The following NBN variants were observed in gnomAD, a reference collection of about 807,000 sequenced individuals.
The protein encoded by NBN is Nijmegen breakage syndrome 1 (nibrin).
Under a neutral mutation model 90.8 loss-of-function variants are expected in NBN, and 88 were observed. The ratio of observed to expected loss-of-function variants is 0.97; its 90% CI spans 0.82 to 1.16. NBN has a LOEUF of 1.16. Among genes scored for constraint, NBN ranks in the 50% most tolerant of loss-of-function variants. The probability of loss-of-function intolerance (pLI) is 0.00; values close to 1 mark genes in which losing one functional copy is unlikely to be tolerated. For missense variants in NBN, 894 were observed against 869.6 expected (o/e 1.03, Z -0.35); for synonymous variants, 328 against 295.1 (o/e 1.11, Z -1.14).
chr8:89,980,942 G>T, intron 3 of NBN, 49 bp from the exon 4 acceptor site: 1 of 1,555,502 alleles, frequency 6.4e-7, no homozygotes, highest in Non-Finnish European at 8.8e-7. Flanking sequence ...GAGTTGCAGA[G>T]ATGGCAATTT....
At chr8:89,938,460 C>A (rs2516638) in intron 14 of NBN, among the ~76,000 whole-genome samples, 42,690 of 151,476 alleles carry the variant, frequency 0.28, 6,206 homozygotes, top group East Asian at 0.4. Context: ...CTCTCTCTCT[C>A]TCTATATGTG....
chr8:89,968,264 C>T (rs1379769071), intron 7 of NBN, among the ~76,000 whole-genome samples: 1 of 151,994 alleles, frequency 6.6e-6, no homozygotes, highest in Non-Finnish European at 1.5e-5. Flanking sequence ...CATCCCCCCA[C>T]CAAAAACCCA....
intron 11 of NBN, among the ~76,000 whole-genome samples, chr8:89,949,052 C>T (rs1487567468): frequency 6.6e-6 from 1 of 152,172 alleles, no homozygotes; most frequent in African/African-American, 2.4e-5. Flanking sequence ...GGGATTCTAC[C>T]TCAATGCCTA....
chr8:89,971,398 T>A, intron 5 of NBN, 108 bp from the exon 6 acceptor site: 1 of 1,235,598 alleles, frequency 8.1e-7, no homozygotes, highest in Non-Finnish European at 1.1e-6. Context: ...CCATAATACC[T>A]TTATAGTATT....
intron 8 of NBN, among the ~76,000 whole-genome samples, chr8:89,960,346 A>G (rs985563883): frequency 6.6e-6 from 1 of 152,196 alleles, no homozygotes; most frequent in African/African-American, 2.4e-5. Flanking sequence ...ATAAATGTTC[A>G]TATCATCACT....
chr8:89,970,435 T>C lies in NBN; in HGVS notation c.825A>G (p.Ile275Met), dbSNP rs2129828602. The C allele has an allele frequency of 1.2e-6, 2 of 1,614,084 alleles. No homozygotes were observed. The highest frequency in any genetic ancestry group is 1.7e-6 in the Non-Finnish European group (2 of 1,179,958). The change falls in exon 7 of 16, where the codon ATA (isoleucine) becomes ATG (methionine). Residue 275 changes from isoleucine (I) to methionine (M), a missense_variant. Physicochemically the swap from Ile to Met is conservative, Grantham distance 10. Transcript: ENST00000265433. ...APGTCVVDTG[I>M]TNSQTLIPDC... ...CAGGAATTAAGGTCTGTGAGTTTGTTATTCCTGTATCAACAACACACGTTC... is the reference window on the plus strand; with the variant it reads ...CAGGAATTAAGGTCTGTGAGTTTGTCATTCCTGTATCAACAACACACGTTC...
intron 8 of NBN, 128 bp from the exon 9 acceptor site, chr8:89,958,982 T>TC: frequency 1.6e-6 from 2 of 1,239,368 alleles, no homozygotes; most frequent in South Asian, 2.5e-5. Context: ...CATGGTTTTC[T>TC]CCAATGAGTG....
chr8:89,937,672 T>C (rs752444934), intron 14 of NBN, among the ~76,000 whole-genome samples: 1 of 152,216 alleles, frequency 6.6e-6, no homozygotes, highest in African/African-American at 2.4e-5. Context: ...CCTTCGTGAC[T>C]TCTCCCACCT....
chr8:89,952,755 A>G lies in NBN; in HGVS notation c.1845+489T>C, dbSNP rs563267623. Among the ~76,000 whole-genome samples, 5 of 152,322 alleles carry G rather than the reference A, an allele frequency of 3.3e-5. No homozygotes were observed. In the South Asian group the frequency reaches 1.0e-3, roughly 32 times the overall value. On this transcript the variant is annotated intron_variant, in intron 11 of 15. Transcript: ENST00000265433. The stretch of plus-strand genomic sequence containing the variant: ...ATAAGTCAACTTACTGATGTATACA[A>G]AAAAGAAAATAATCTCAGGTGTTTT...
In NBN at chr8:89,965,669, T is replaced by C. The variant is rs1811221269; in HGVS notation, c.897-1162A>G. 2.0e-5 allele frequency among the ~76,000 whole-genome samples: 3 copies of C among 152,050 alleles called. No homozygotes were observed. The South Asian group carries it at 6.2e-4, about 32-fold the overall frequency. On this transcript the variant is annotated intron_variant, in intron 7 of 15. Transcript: ENST00000265433. Reference sequence around the variant, plus strand: ...CACACCCAGCTAATTTTTGTATTTTTAGTAGAGATGGGGTTTCACTACGCT... The same window carrying C: ...CACACCCAGCTAATTTTTGTATTTTCAGTAGAGATGGGGTTTCACTACGCT...
intron 12 of NBN, among the ~76,000 whole-genome samples, chr8:89,946,863 G>A (rs1385076392): frequency 6.6e-6 from 1 of 152,068 alleles, no homozygotes; most frequent in Non-Finnish European, 1.5e-5. Flanking sequence ...TGCCTCAAGA[G>A]TCCTTCCTGT....
intron 7 of NBN, among the ~76,000 whole-genome samples, chr8:89,970,075 C>T (rs10092465): frequency 6.6e-6 from 1 of 151,998 alleles, no homozygotes; most frequent in Non-Finnish European, 1.5e-5. Flanking sequence ...ATGGCAAAAC[C>T]CTGTCTCTAC....
At chr8:89,955,213 C>CAA in intron 10 of NBN, 70 bp downstream of exon 10, 1 of 1,436,546 alleles carries the variant, frequency 7.0e-7, no homozygotes, top group Non-Finnish European at 9.7e-7. Context: ...AAAGACAATA[C>CAA]CATTCTACAA....
chr8:89,953,883 G>C (rs1810575061), intron 10 of NBN, among the ~76,000 whole-genome samples, 192 bp from the exon 11 acceptor site: 1 of 152,100 alleles, frequency 6.6e-6, no homozygotes, highest in Non-Finnish European at 1.5e-5. Context: ...CTGCTGTTTT[G>C]ATAGAACTGA....
intron 11 of NBN, among the ~76,000 whole-genome samples, chr8:89,949,875 A>G (rs1362147395): frequency 6.6e-6 from 1 of 152,192 alleles, no homozygotes; most frequent in Admixed American, 6.5e-5. Flanking sequence ...TTAAGCACCA[A>G]TTCCTTTAAT....
chr8:89,942,456 C>T (rs950867437), intron 14 of NBN, among the ~76,000 whole-genome samples: 1 of 152,062 alleles, frequency 6.6e-6, no homozygotes, highest in Non-Finnish European at 1.5e-5. Context: ...ACAAAGAAAA[C>T]AATCAGCTCA....
intron 8 of NBN, among the ~76,000 whole-genome samples, chr8:89,959,425 A>G (rs1810886656): frequency 1.3e-5 from 2 of 152,104 alleles, no homozygotes; most frequent in Admixed American, 1.3e-4. Context: ...AGTGCTCTCC[A>G]ATTCTCCTTC....
chr8:89,944,514 G>A (rs1441444425), intron 13 of NBN, among the ~76,000 whole-genome samples: 1 of 152,148 alleles, frequency 6.6e-6, no homozygotes, highest in African/African-American at 2.4e-5. Flanking sequence ...CTTCTGCAGT[G>A]TTCTTCCTTT....
chr8:89,963,888 C>T (rs741777), intron 8 of NBN, among the ~76,000 whole-genome samples: 50,172 of 152,050 alleles, frequency 0.33, 8,362 homozygotes, highest in East Asian at 0.45. Flanking sequence ...ATTCTATTCA[C>T]ATCTCCTCTT....
Sources: allele counts gnomAD v4.1 joint callset (sites outside exome capture counted in the v4.1 genomes callset), GRCh38; gene constraint gnomAD v4.1.1; transcripts MANE v1.5; gene names NCBI Gene and HGNC (gene_info 2026-07-23, HGNC 2026-07-21).